CNTLN: variants seen among roughly 807,000 people sequenced by gnomAD.
CNTLN encodes the protein centlein, also known as centlein, centrosomal protein.
CNTLN carries 212 observed loss-of-function variants against 180.0 expected under a neutral mutation model. The ratio of observed to expected loss-of-function variants is 1.18; its 90% confidence interval spans 1.05 to 1.32. The LOEUF is 1.32. CNTLN is among the 40% of genes most tolerant of loss of function. CNTLN has a pLI of 0.00. For synonymous variants in CNTLN, 722 were observed against 563.1 expected, an observed-to-expected ratio of 1.28 and a Z score of -3.99; for missense variants, 2,095 against 1,610.9, an observed-to-expected ratio of 1.30 and a Z score of -5.14.
intron 23 of CNTLN, 42 bp downstream of exon 23, chr9:17,466,933 G>C (rs766986413): frequency 1.6e-5 from 23 of 1,408,310 alleles, no homozygotes; most frequent in Non-Finnish European, 2.3e-5. Context: ...CTTTACTTTA[G>C]GCAGATAGGC....
intron 8 of CNTLN, among the ~76,000 whole-genome samples, chr9:17,315,017 A>G (rs1003200129): frequency 2.6e-5 from 4 of 152,090 alleles, no homozygotes; most frequent in African/African-American, 9.7e-5. Context: ...CATCTATTTT[A>G]CCCCATAAAA....
At chr9:17,288,664 A>G (rs1269189517) in intron 6 of CNTLN, among the ~76,000 whole-genome samples, 1 of 136,500 alleles carries the variant, frequency 7.3e-6, no homozygotes, top group Admixed American at 7.3e-5. Flanking sequence ...TAGGTCACTC[A>G]GGACTTGCTT....
intron 6 of CNTLN, among the ~76,000 whole-genome samples, chr9:17,278,062 A>G (rs1828426417): frequency 6.6e-6 from 1 of 152,154 alleles, no homozygotes; most frequent in Admixed American, 6.6e-5. Context: ...AGACAGAGGA[A>G]CACAGGCACT....
intron 2 of CNTLN, among the ~76,000 whole-genome samples, chr9:17,190,232 T>C (rs1821711366): frequency 6.6e-6 from 1 of 150,938 alleles, no homozygotes. Flanking sequence ...TTGTTTCCTG[T>C]TGTACAGTGT....
chr9:17,165,315 C>G (rs192223281), intron 2 of CNTLN, among the ~76,000 whole-genome samples: 2 of 152,030 alleles, frequency 1.3e-5, no homozygotes, highest in African/African-American at 4.8e-5. Flanking sequence ...ACCTCCTCCC[C>G]AAATCCCACT....
chr9:17,453,966 A>G (rs901423686), intron 18 of CNTLN, among the ~76,000 whole-genome samples: 8 of 152,202 alleles, frequency 5.3e-5, no homozygotes, highest in Admixed American at 2.6e-4. Flanking sequence ...TTGATTAGGG[A>G]CGCTGACCCT....
At chr9:17,216,439 A>C (rs1197686166) in intron 2 of CNTLN, among the ~76,000 whole-genome samples, 1 of 152,148 alleles carries the variant, frequency 6.6e-6, no homozygotes, top group Non-Finnish European at 1.5e-5. Flanking sequence ...TTAGAATGGT[A>C]AAAGGGAATA....
Position 17,457,596 on chromosome 9 carries a change from G to C in CNTLN, c.3187G>C (p.Glu1063Gln). The C allele has an allele frequency of 6.4e-7, 1 of 1,564,938 alleles. No individual in the cohort carries two copies. ...DLLKKLESSS[E>Q]ITSLAEENSQ... The stretch of plus-strand genomic sequence containing the variant: ...ACTAAAGAAATTGGAGTCCTCATCT[G>C]AAATCACAAGTTTGGCAGAAGAAAA... The change falls in exon 19 of 26, where the codon GAA (glutamate) becomes CAA (glutamine). Residue 1063 changes from glutamate (E) to glutamine (Q), a missense_variant. By Grantham distance (29) the Glu-to-Gln change is conservative. Coordinates refer to ENST00000380647, the MANE Select transcript of CNTLN (RefSeq NM_017738.4).
intron 8 of CNTLN, among the ~76,000 whole-genome samples, chr9:17,314,285 G>A (rs1215655859): frequency 6.6e-6 from 1 of 151,806 alleles, no homozygotes; most frequent in Non-Finnish European, 1.5e-5. Flanking sequence ...TTTTGAATAT[G>A]GGTCATACAT....
intron 18 of CNTLN, among the ~76,000 whole-genome samples, chr9:17,420,036 T>C (rs1316494403): frequency 1.3e-5 from 2 of 152,138 alleles, no homozygotes; most frequent in Non-Finnish European, 2.9e-5. Flanking sequence ...TGGCTCAGCC[T>C]CCTGAGTAGC....
chr9:17,308,614 A>G (rs1818908702), intron 7 of CNTLN, among the ~76,000 whole-genome samples: 1 of 151,938 alleles, frequency 6.6e-6, no homozygotes, highest in Non-Finnish European at 1.5e-5. Flanking sequence ...ATCGTTGTAC[A>G]TAATTTTTTT....
intron 5 of CNTLN, among the ~76,000 whole-genome samples, chr9:17,236,936 T>G (rs1693641860): frequency 6.6e-6 from 1 of 152,194 alleles, no homozygotes; most frequent in South Asian, 2.1e-4. Context: ...AGTATAGTTT[T>G]TAAGACTATT....
At chr9:17,501,099 G>GT (rs1325321850) in intron 25 of CNTLN, among the ~76,000 whole-genome samples, 2 of 152,158 alleles carry the variant, frequency 1.3e-5, no homozygotes, top group South Asian at 4.1e-4. Context: ...GATGTGGTAG[G>GT]TTTTTCCCCC....
the CNTLN span, among the ~76,000 whole-genome samples, chr9:17,523,631 T>C: frequency 6.6e-6 from 1 of 152,216 alleles, no homozygotes; most frequent in African/African-American, 2.4e-5. Context: ...ACTGGAAGAT[T>C]ATCTTATGGA....
chr9:17,293,901 G>A (rs956559998), intron 6 of CNTLN, among the ~76,000 whole-genome samples: 1 of 152,092 alleles, frequency 6.6e-6, no homozygotes, highest in East Asian at 1.9e-4. Flanking sequence ...TGGGTAGCAC[G>A]GATCCGTGGA....
intron 10 of CNTLN, among the ~76,000 whole-genome samples, chr9:17,336,632 T>G (rs2133166008): frequency 6.6e-6 from 1 of 152,342 alleles, no homozygotes; most frequent in South Asian, 2.1e-4. Flanking sequence ...TTTATAAGAC[T>G]TATGTAAACA....
At chr9:17,204,605 G>A (rs1262886020) in intron 2 of CNTLN, among the ~76,000 whole-genome samples, 1 of 152,184 alleles carries the variant, frequency 6.6e-6, no homozygotes, top group Non-Finnish European at 1.5e-5. Flanking sequence ...TGAGGTGTCT[G>A]TCAACCATGT....
intron 2 of CNTLN, among the ~76,000 whole-genome samples, chr9:17,160,454 T>C (rs1295668827): frequency 6.6e-6 from 1 of 152,158 alleles, no homozygotes; most frequent in East Asian, 1.9e-4. Context: ...AAATTTCACA[T>C]CTTGAGGGTA....
At chr9:17,390,046 C>T (rs952625538) in intron 14 of CNTLN, among the ~76,000 whole-genome samples, 1 of 152,014 alleles carries the variant, frequency 6.6e-6, no homozygotes. Flanking sequence ...GGAGAAAGGC[C>T]TCAGAAGAAA....
Sources: allele counts gnomAD v4.1 joint callset (sites outside exome capture counted in the v4.1 genomes callset), GRCh38; gene constraint gnomAD v4.1.1; transcripts MANE v1.5; gene names NCBI Gene and HGNC (gene_info 2026-07-23, HGNC 2026-07-21).